Variants in EPS15 observed in about 807,000 individuals in gnomAD.
EPS15 encodes epidermal growth factor receptor pathway substrate 15.
A neutral mutation model predicts 113.8 loss-of-function variants in EPS15; 72 were observed. The observed-to-expected ratio is 0.63, with a 90% CI of 0.52 to 0.77. The LOEUF is 0.77. Among genes scored for constraint, EPS15 ranks in the 30% least tolerant of loss-of-function variants. EPS15 has a pLI of 0.00. For synonymous variants in EPS15, 344 were observed against 363.4 expected (o/e 0.95, Z 0.61); for missense variants, 1,048 against 1,045.8 (o/e 1.00, Z -0.03).
Position 51,365,249 on chromosome 1 carries a change from T to G in EPS15, c.2196+704A>C, listed in dbSNP as rs76799320. ...CATTTATTTAGGTAATGCTCAACAT[T>G]GACATTTCAGGCTGGACGTAATTGC... On this transcript the variant is annotated intron_variant, in intron 22 of 24. Coordinates refer to ENST00000371733, the MANE Select transcript of EPS15 (RefSeq NM_001981.3). Among the ~76,000 whole-genome samples, 334 of 152,334 alleles carry G rather than the reference T, an allele frequency of 2.2e-3. 3 individuals carry two copies. Among genetic ancestry groups the G allele is most frequent in the African/African-American group, 7.7e-3 (319 of 41,576 alleles).
intron 24 of EPS15, among the ~76,000 whole-genome samples, chr1:51,360,866 C>G (rs1475944460): frequency 6.6e-6 from 1 of 152,116 alleles, no homozygotes; most frequent in Non-Finnish European, 1.5e-5. Flanking sequence ...CACCATCACC[C>G]ATAACCATCC....
intron 14 of EPS15, 34 bp from the exon 15 acceptor site, chr1:51,408,366 A>G (rs1649340794): frequency 6.9e-7 from 1 of 1,459,658 alleles, no homozygotes; most frequent in Non-Finnish European, 9.6e-7. Context: ...AGAAATGGGG[A>G]TTAAAAGAAG....
At chr1:51,388,370 A>G (rs1203752902) in intron 21 of EPS15, among the ~76,000 whole-genome samples, 1 of 152,268 alleles carries the variant, frequency 6.6e-6, no homozygotes, top group Non-Finnish European at 1.5e-5. Context: ...ACAAAGCAGG[A>G]AAGATCCAAA....
intron 11 of EPS15, 99 bp from the exon 12 acceptor site, chr1:51,440,531 G>A: frequency 2.2e-6 from 1 of 456,456 alleles, no homozygotes; most frequent in East Asian, 3.3e-5. Context: ...ATAAGGTATT[G>A]CATATTTTAC....
chr1:51,508,350 A>G (rs528902302), intron 1 of EPS15, among the ~76,000 whole-genome samples: 384 of 144,018 alleles, frequency 2.7e-3, no homozygotes, highest in African/African-American at 8.9e-3. Context: ...GAAAGAAAGA[A>G]AGAAAGAAAG....
intron 1 of EPS15, among the ~76,000 whole-genome samples, chr1:51,495,354 T>A (rs950829724): frequency 1.5e-5 from 2 of 135,348 alleles, no homozygotes; most frequent in African/African-American, 5.3e-5. Context: ...TTTATTTTTA[T>A]TTTTTTTTTT....
At chr1:51,389,142 T>C (rs1647186756) in intron 21 of EPS15, among the ~76,000 whole-genome samples, 1 of 152,192 alleles carries the variant, frequency 6.6e-6, no homozygotes, top group South Asian at 2.1e-4. Context: ...GCTTCATCCC[T>C]GGGATGCAAG....
At chr1:51,508,186 GAGAAAAGAAAAGAAA>G (rs763482561) in intron 1 of EPS15, among the ~76,000 whole-genome samples, 2,478 of 81,020 alleles carry the variant, frequency 0.031, 52 homozygotes, top group African/African-American at 0.037. Context: ...GTCACAAAAA[GAGAAAAGAAAAGAAA>G]AGAAAAGAAA....
At chr1:51,360,949 A>G (rs1017046200) in intron 24 of EPS15, among the ~76,000 whole-genome samples, 1 of 152,248 alleles carries the variant, frequency 6.6e-6, no homozygotes, top group Non-Finnish European at 1.5e-5. Flanking sequence ...CAACTTGTGT[A>G]TATGACAAGA....
intron 12 of EPS15, among the ~76,000 whole-genome samples, chr1:51,435,647 C>T (rs904022832): frequency 3.9e-5 from 6 of 152,178 alleles, no homozygotes; most frequent in Non-Finnish European, 5.9e-5. Flanking sequence ...TTGCGTCATT[C>T]ATTCAACCAA....
chr1:51,511,031 C>G (rs867781897), intron 1 of EPS15, among the ~76,000 whole-genome samples: 1 of 151,460 alleles, frequency 6.6e-6, no homozygotes, highest in Non-Finnish European at 1.5e-5. Flanking sequence ...CCAGGTGTGG[C>G]GGTGGGCGCC....
intron 21 of EPS15, among the ~76,000 whole-genome samples, chr1:51,380,469 A>C (rs1646916254): frequency 6.6e-6 from 1 of 152,164 alleles, no homozygotes; most frequent in Admixed American, 6.5e-5. Flanking sequence ...ATCCAACTGA[A>C]ATTAAATCTT....
chr1:51,442,774 C>CA (rs1360791639), intron 11 of EPS15, among the ~76,000 whole-genome samples: 2 of 151,706 alleles, frequency 1.3e-5, no homozygotes, highest in Non-Finnish European at 2.9e-5. Context: ...TCTTGTAAAC[C>CA]AAAAACCACA....
chr1:51,434,702 G>A (rs549939075), intron 12 of EPS15, among the ~76,000 whole-genome samples: 3 of 152,054 alleles, frequency 2.0e-5, no homozygotes, highest in South Asian at 2.1e-4. Context: ...ACGGAGTCTC[G>A]CACTTGTCTC....
At chr1:51,508,095 T>C (rs774340379) in intron 1 of EPS15, among the ~76,000 whole-genome samples, 4 of 151,138 alleles carry the variant, frequency 2.6e-5, no homozygotes, top group Non-Finnish European at 4.4e-5. Flanking sequence ...GGCAGGAGAA[T>C]TGCTTGAACC....
intron 11 of EPS15, among the ~76,000 whole-genome samples, chr1:51,441,499 C>G (rs1427814786): frequency 6.6e-6 from 1 of 152,062 alleles, no homozygotes; most frequent in African/African-American, 2.4e-5. Context: ...CATTTAAAAA[C>G]TAAGATATAC....
intron 1 of EPS15, among the ~76,000 whole-genome samples, chr1:51,499,240 C>CAT (rs1312767363): frequency 6.6e-6 from 1 of 152,158 alleles, no homozygotes; most frequent in African/African-American, 2.4e-5. Context: ...TAAAAACAAA[C>CAT]ATAATATTTG....
chr1:51,518,857 G>C (rs1221467486), intron 1 of EPS15, among the ~76,000 whole-genome samples: 1 of 151,796 alleles, frequency 6.6e-6, no homozygotes, highest in Non-Finnish European at 1.5e-5. Flanking sequence ...GAAACTTCCT[G>C]GGTAGGTGAA....
chr1:51,503,217 T>A (rs944238079), intron 1 of EPS15, among the ~76,000 whole-genome samples: 10 of 152,172 alleles, frequency 6.6e-5, no homozygotes, highest in Non-Finnish European at 1.3e-4. Flanking sequence ...CCCAAACTAA[T>A]CTATAGATTC....
Sources: allele counts gnomAD v4.1 joint callset (sites outside exome capture counted in the v4.1 genomes callset), GRCh38; gene constraint gnomAD v4.1.1; transcripts MANE v1.5; gene names NCBI Gene and HGNC (gene_info 2026-07-23, HGNC 2026-07-21).